The following STON2 variants were observed in gnomAD, a reference collection of about 807,000 sequenced individuals.
STON2 encodes stonin 2, also known as stonin-2.
Under a neutral mutation model 65.7 loss-of-function variants are expected in STON2, and 29 were observed. The ratio of observed to expected loss-of-function variants is 0.44; its 90% CI spans 0.33 to 0.60. The LOEUF is 0.60. Among genes scored for constraint, STON2 ranks in the 20% least tolerant of loss-of-function variants. The pLI is 0.03. For synonymous variants in STON2, 404 were observed against 414.2 expected, an observed-to-expected ratio of 0.98 and a Z score of 0.30; for missense variants, 1,054 against 1,118.1, an observed-to-expected ratio of 0.94 and a Z score of 0.82.
At chr14:81,321,371 A>T (rs974873408) in intron 5 of STON2, among the ~76,000 whole-genome samples, 11 of 117,286 alleles carry the variant, frequency 9.4e-5, no homozygotes, top group African/African-American at 2.4e-4. Context: ...TTTCTACTTT[A>T]AAAAAAAAAA....
intron 5 of STON2, among the ~76,000 whole-genome samples, chr14:81,283,062 T>G (rs1287858567): frequency 6.6e-6 from 1 of 152,240 alleles, no homozygotes; most frequent in Non-Finnish European, 1.5e-5. Flanking sequence ...TGAGTCGGGC[T>G]GCTGCCAAAC....
chr14:81,403,524 C>T (rs1196265718), upstream of STON2, among the ~76,000 whole-genome samples: 4 of 152,268 alleles, frequency 2.6e-5, no homozygotes, highest in Admixed American at 2.6e-4. Flanking sequence ...GGTACAAGGG[C>T]CTTGAATACA....
chr14:81,430,384 A>ATATC (rs1467325612), intron 1 of STON2, among the ~76,000 whole-genome samples: 1 of 152,238 alleles, frequency 6.6e-6, no homozygotes, highest in African/African-American at 2.4e-5. Flanking sequence ...CACTCAGCAG[A>ATATC]TGGTCAATAC....
chr14:81,404,286 T>A (rs191038629), upstream of STON2, among the ~76,000 whole-genome samples: 12 of 152,326 alleles, frequency 7.9e-5, no homozygotes, highest in East Asian at 2.1e-3. Flanking sequence ...TTAATCTGAA[T>A]GAGTTGTTCC....
intron 2 of STON2, among the ~76,000 whole-genome samples, chr14:81,423,156 G>C (rs10134500): frequency 0.21 from 32,005 of 151,916 alleles, 5,131 homozygotes; most frequent in African/African-American, 0.44. Flanking sequence ...CACTTTTCTT[G>C]ATGTTATCAC....
At chr14:81,295,040 T>G (rs567614174) in intron 5 of STON2, among the ~76,000 whole-genome samples, 1 of 152,050 alleles carries the variant, frequency 6.6e-6, no homozygotes, top group Non-Finnish European at 1.5e-5. Flanking sequence ...TAGAAGATCA[T>G]AGGGCCGGGC....
chr14:81,426,150 C>G, intron 2 of STON2, among the ~76,000 whole-genome samples: 1 of 152,358 alleles, frequency 6.6e-6, no homozygotes, highest in Admixed American at 6.5e-5. Context: ...GGCAAAGAAA[C>G]TGAGTCTCAG....
intron 3 of STON2, among the ~76,000 whole-genome samples, chr14:81,377,232 A>C (rs1899295807): frequency 6.6e-6 from 1 of 152,172 alleles, no homozygotes; most frequent in Admixed American, 6.5e-5. Context: ...TAATTTTGTC[A>C]TTCCAAGAAT....
chr14:81,433,735 A>C (rs999564050), intron 1 of STON2, among the ~76,000 whole-genome samples: 1 of 152,188 alleles, frequency 6.6e-6, no homozygotes, highest in African/African-American at 2.4e-5. Flanking sequence ...CCCAGAGAGA[A>C]GCTGTTTCTT....
chr14:81,323,673 A>G (rs1281561685), intron 5 of STON2: 1 of 152,214 alleles, frequency 6.6e-6, no homozygotes, highest in Non-Finnish European at 1.5e-5. Context: ...CCTATCTATT[A>G]AAATGTCCAC....
intron 4 of STON2, among the ~76,000 whole-genome samples, chr14:81,340,659 C>A (rs572543951): frequency 6.6e-6 from 1 of 152,100 alleles, no homozygotes; most frequent in Non-Finnish European, 1.5e-5. Context: ...CACAGCCCAC[C>A]CACCACCTAG....
At chr14:81,308,551 G>A (rs1306532805) in intron 5 of STON2, among the ~76,000 whole-genome samples, 1 of 151,802 alleles carries the variant, frequency 6.6e-6, no homozygotes, top group Admixed American at 6.6e-5. Flanking sequence ...CCTAACCCCA[G>A]AATTCTACAT....
intron 4 of STON2, among the ~76,000 whole-genome samples, chr14:81,343,336 TGCTTGCGGC>T (rs1251624492): frequency 6.6e-6 from 1 of 152,208 alleles, no homozygotes; most frequent in Non-Finnish European, 1.5e-5. Flanking sequence ...AACAATGTGT[TGCTTGCGGC>T]AACCAATTTG....
At chr14:81,422,396 G>A (rs1901748418) in intron 2 of STON2, among the ~76,000 whole-genome samples, 1 of 152,290 alleles carries the variant, frequency 6.6e-6, no homozygotes, top group South Asian at 2.1e-4. Context: ...ACCAGAAGCA[G>A]ATGTTGGCGC....
chr14:81,358,054 A>T (rs1217224717), intron 4 of STON2, among the ~76,000 whole-genome samples: 1 of 152,134 alleles, frequency 6.6e-6, no homozygotes, highest in Non-Finnish European at 1.5e-5. Flanking sequence ...AATTAAAAAA[A>T]TTAAAAAAAA....
chr14:81,280,002 T>TA, intron 5 of STON2, among the ~76,000 whole-genome samples: 1 of 152,206 alleles, frequency 6.6e-6, no homozygotes, highest in African/African-American at 2.4e-5. Flanking sequence ...GGGTGAGTGT[T>TA]AAGAAATTGA....
chr14:81,344,096 AAACAAG>A (rs1312983045), intron 4 of STON2, among the ~76,000 whole-genome samples: 1 of 152,294 alleles, frequency 6.6e-6, no homozygotes. Flanking sequence ...TCCCCAAAGC[AAACAAG>A]CCAGCCCCTA....
intron 3 of STON2, among the ~76,000 whole-genome samples, chr14:81,387,608 G>A (rs7144578): frequency 6.6e-4 from 101 of 152,136 alleles, no homozygotes; most frequent in African/African-American, 2.3e-3. Flanking sequence ...CTTTTGTCAG[G>A]CCAGGCGTGG....
intron 3 of STON2, among the ~76,000 whole-genome samples, chr14:81,385,724 T>C (rs1216458932): frequency 6.6e-6 from 1 of 152,210 alleles, no homozygotes; most frequent in Non-Finnish European, 1.5e-5. Context: ...CTCCTTTCAC[T>C]AGTCCAGCAA....
Sources: gnomAD v4.1 joint callset for allele counts (sites outside exome capture counted in the v4.1 genomes callset) on GRCh38, gnomAD v4.1.1 for gene constraint, MANE v1.5 for transcripts, NCBI Gene and HGNC (gene_info 2026-07-23, HGNC 2026-07-21) for gene names.